Variants in TMPRSS4 observed in about 807,000 individuals in gnomAD.
TMPRSS4 encodes transmembrane serine protease 4.
A neutral mutation model predicts 56.4 loss-of-function variants in TMPRSS4; 45 were observed. The observed-to-expected ratio is 0.80, with a 90% CI of 0.63 to 1.02. TMPRSS4 has a LOEUF of 1.02. TMPRSS4 is among the 50% of genes least tolerant of loss of function. The probability of loss-of-function intolerance (pLI) is 0.00; values close to 1 mark genes in which losing one functional copy is unlikely to be tolerated. For missense variants in TMPRSS4, 546 were observed against 556.7 expected, an observed-to-expected ratio of 0.98 and a Z score of 0.19; for synonymous variants, 205 against 211.0, an observed-to-expected ratio of 0.97 and a Z score of 0.25.
In TMPRSS4 at chr11:118,089,102, C is replaced by A. The variant is rs575035210; in HGVS notation, c.4-5714C>A. On this transcript the variant is annotated intron_variant, in intron 1 of 12. Coordinates refer to ENST00000437212, the MANE Select transcript of TMPRSS4 (RefSeq NM_019894.4). ...GCCATAAGTCCCTATTTCTATCCTG[C>A]TCAGGGATGTCATCGACATTGATGG... 2.0e-5 allele frequency among the ~76,000 whole-genome samples: 3 copies of A among 152,266 alleles called. No homozygotes were observed. In the East Asian group the frequency reaches 5.8e-4, roughly 29 times the overall value.
chr11:118,114,788 G>A (rs1000531986), intron 9 of TMPRSS4, 41 bp from the exon 10 acceptor site: 5 of 1,532,966 alleles, frequency 3.3e-6, no homozygotes, highest in South Asian at 2.4e-5. Context: ...TAACACTTAT[G>A]ATGAATAAAA....
At position 118,119,254 on chromosome 11, in the gene TMPRSS4, A is replaced by G; in HGVS notation, c.*1341A>G. ...GGTCGAGACCTATATGAAGGCTGGC[A>G]GTGGAGCTAAACCTGGACACACTGA... is the stretch of plus-strand genomic sequence containing the variant. On this transcript the variant is annotated 3_prime_UTR_variant, in exon 13 of 13. Transcript: ENST00000437212. The G allele has an allele frequency of 1.0e-6, 1 of 985,476 alleles. No homozygotes were observed. The highest frequency in any genetic ancestry group is 1.2e-6 in the Non-Finnish European group (1 of 829,944). The allele number at this position is 985,476 out of a possible 1,614,324, so 61.0% of individuals were successfully genotyped here.
In TMPRSS4 at chr11:118,118,261, GT is replaced by G. The variant is rs1283361414; in HGVS notation, c.*349del. On this transcript the variant is annotated 3_prime_UTR_variant, in exon 13 of 13. Transcript: ENST00000437212. Reference sequence around the variant, plus strand: ...CTGTCTTGTAAAAGCCCAGATCACTGTGGGCTGGAGAGGAGAAGGAAAGGGT... The same window carrying G: ...CTGTCTTGTAAAAGCCCAGATCACTGGGGCTGGAGAGGAGAAGGAAAGGGT... 3.3e-6 allele frequency: 4 copies of G among 1,198,098 alleles called. No individual in the cohort carries two copies. In the East Asian group the frequency reaches 1.6e-4, roughly 49 times the overall value. The allele number at this position is 1,198,098 out of a possible 1,614,324, so 74.2% of individuals were successfully genotyped here.
Position 118,118,029 on chromosome 11 carries a change from G to A in TMPRSS4, c.*116G>A, listed in dbSNP as rs538163226. 5 of 1,580,156 alleles carry A rather than the reference G, an allele frequency of 3.2e-6. No homozygotes were observed. The highest frequency in any genetic ancestry group is 4.3e-6 in the Non-Finnish European group (5 of 1,167,608). On this transcript the variant is annotated 3_prime_UTR_variant, in exon 13 of 13. Transcript: ENST00000437212. ...CCTTGGGTACACCCCTCTGCCCACAGCCTCAGCATTTCTTGGAGCAGCAAA... is the reference window on the plus strand; with the variant it reads ...CCTTGGGTACACCCCTCTGCCCACAACCTCAGCATTTCTTGGAGCAGCAAA...
chr11:118,082,519 C>G (rs555868625), intron 1 of TMPRSS4, among the ~76,000 whole-genome samples: 115 of 151,886 alleles, frequency 7.6e-4, no homozygotes, highest in Non-Finnish European at 1.4e-3. Context: ...CGAGATCACA[C>G]CACTGCACTC....
chr11:118,097,045 AG>A (rs1946437992), intron 2 of TMPRSS4, among the ~76,000 whole-genome samples: 1 of 151,114 alleles, frequency 6.6e-6, no homozygotes, highest in Non-Finnish European at 1.5e-5. Context: ...AAGGAAAGAA[AG>A]GAAAGGAAAG....
At chr11:118,079,061 G>A (rs1424203847) in intron 1 of TMPRSS4, among the ~76,000 whole-genome samples, 2 of 152,244 alleles carry the variant, frequency 1.3e-5, no homozygotes, top group East Asian at 3.9e-4. Context: ...AGGAGCGGGG[G>A]AGGGCAGGTG....
intron 3 of TMPRSS4, among the ~76,000 whole-genome samples, chr11:118,099,783 A>G (rs747405588): frequency 6.6e-6 from 1 of 152,124 alleles, no homozygotes; most frequent in Non-Finnish European, 1.5e-5. Context: ...AAGAGGAGGC[A>G]GCAGGGAAGA....
rs1485142832 is a variant in TMPRSS4, at chr11:118,104,832, G to T, written c.440+12G>T. On this transcript the variant is annotated intron_variant, in intron 5 of 12. Coordinates refer to ENST00000437212, the MANE Select transcript of TMPRSS4 (RefSeq NM_019894.4). ...ATGGGCTACAGCAGGTAACCAACCT[G>T]GGCCTCTCTCCTTTTTCCCTCCTTC... The T allele has an allele frequency of 1.3e-6, 2 of 1,563,778 alleles. No homozygotes were observed. Among genetic ancestry groups the T allele is most frequent in the South Asian group, 1.2e-5 (1 of 84,488 alleles).
At chr11:118,085,213 A>G (rs1416945608) in intron 1 of TMPRSS4, among the ~76,000 whole-genome samples, 1 of 136,848 alleles carries the variant, frequency 7.3e-6, no homozygotes, top group African/African-American at 2.6e-5. Context: ...TGGAGGAGTC[A>G]GATCTTCTTC....
chr11:118,102,883 A>T, intron 3 of TMPRSS4: 3 of 579,052 alleles, frequency 5.2e-6, no homozygotes, highest in Non-Finnish European at 6.1e-6. Flanking sequence ...GACTCCGCAG[A>T]CATCTTGTGG....
intron 3 of TMPRSS4, among the ~76,000 whole-genome samples, chr11:118,102,780 G>A (rs1045319389): frequency 2.0e-5 from 3 of 152,176 alleles, no homozygotes; most frequent in East Asian, 1.9e-4. Flanking sequence ...TTCAGACTCC[G>A]GGTTCCTCCT....
intron 4 of TMPRSS4, 125 bp from the exon 5 acceptor site, chr11:118,104,566 G>T: frequency 6.9e-7 from 1 of 1,453,464 alleles, no homozygotes; most frequent in Non-Finnish European, 9.3e-7. Context: ...CATTGAAAGT[G>T]TTGGGGCTCT....
chr11:118,117,132 C>A (rs1947603328), intron 11 of TMPRSS4, among the ~76,000 whole-genome samples, 173 bp from the exon 12 acceptor site: 1 of 152,166 alleles, frequency 6.6e-6, no homozygotes, highest in Non-Finnish European at 1.5e-5. Context: ...AGCCTTTCTG[C>A]CCCAGAAGAG....
At chr11:118,104,875 T>A in intron 5 of TMPRSS4, 55 bp downstream of exon 5, 2 of 1,483,338 alleles carry the variant, frequency 1.3e-6, no homozygotes, top group Non-Finnish European at 1.8e-6. Context: ...CTCCTCTTCC[T>A]CCTTTCCTTC....
chr11:118,102,958 G>C (rs2276129), intron 3 of TMPRSS4, 143 bp from the exon 4 acceptor site: 8 of 1,058,102 alleles, frequency 7.6e-6, no homozygotes, highest in South Asian at 3.0e-5. Flanking sequence ...GCCCAAGTCT[G>C]TGTGCTACCA....
Position 118,107,696 on chromosome 11 carries a change from A to G in TMPRSS4, c.441-78A>G, listed in dbSNP as rs536050518. On this transcript the variant is annotated intron_variant, in intron 5 of 12. Transcript: ENST00000437212. ...CATTCTCTGCCACTCTTTCTCCTGA[A>G]AGTGGGGGCCAACTCTACCATCTTG... The G allele has an allele frequency of 3.1e-5, 39 of 1,254,582 alleles. No homozygotes were observed. The African/African-American group carries it at 5.7e-4, about 18-fold the overall frequency. 77.7% of individuals were successfully genotyped at this position (1,254,582 alleles called of 1,614,324 possible). A position where few individuals can be genotyped will look rare whatever the true frequency, so the allele number is the denominator to read the frequency against.
At chr11:118,081,114 T>C (rs1230059121) in intron 1 of TMPRSS4, among the ~76,000 whole-genome samples, 2 of 152,240 alleles carry the variant, frequency 1.3e-5, no homozygotes, top group Non-Finnish European at 2.9e-5. Flanking sequence ...AATGAATGAA[T>C]GAGTGGATTG....
chr11:118,111,632 C>G (rs1387980738), intron 7 of TMPRSS4, 109 bp from the exon 8 acceptor site: 2 of 831,826 alleles, frequency 2.4e-6, no homozygotes, highest in Non-Finnish European at 3.5e-6. Flanking sequence ...TCCACTCTGG[C>G]CCCAGCCATA....
Sources: gnomAD v4.1 joint callset for allele counts (sites outside exome capture counted in the v4.1 genomes callset) on GRCh38, gnomAD v4.1.1 for gene constraint, MANE v1.5 for transcripts, NCBI Gene and HGNC (gene_info 2026-07-23, HGNC 2026-07-21) for gene names.